Variants in KIAA1755 observed in about 807,000 individuals in gnomAD.
KIAA1755 encodes the protein KIAA1755, also known as uncharacterized protein KIAA1755.
KIAA1755 carries 68 observed loss-of-function variants against 91.7 expected under a neutral mutation model. That is an observed-to-expected ratio of 0.74 (90% CI 0.61 to 0.91). KIAA1755 has a LOEUF of 0.91. KIAA1755 is among the 40% of genes least tolerant of loss of function. The pLI is 0.00. For synonymous variants in KIAA1755, 610 were observed against 604.6 expected, an observed-to-expected ratio of 1.01 and a Z score of -0.13; for missense variants, 1,535 against 1,494.4, an observed-to-expected ratio of 1.03 and a Z score of -0.45.
intron 1 of KIAA1755, among the ~76,000 whole-genome samples, chr20:38,257,298 T>C (rs2076354721): frequency 6.6e-6 from 1 of 152,002 alleles, no homozygotes; most frequent in East Asian, 1.9e-4. Context: ...TAAACTGAAC[T>C]TGGCTAGGGT....
At position 38,212,150 on chromosome 20, in the gene KIAA1755, A is replaced by G. The variant is rs2075459319; in HGVS notation, c.*892T>C. The G allele has an allele frequency of 6.6e-6, 1 of 152,030 alleles. No homozygotes were observed. The highest frequency in any genetic ancestry group is 2.4e-5 in the African/African-American group (1 of 41,342). The allele number at this position is 152,030 out of a possible 1,614,324, so 9.4% of individuals were successfully genotyped here. On this transcript the variant is annotated 3_prime_UTR_variant, in exon 14 of 14. Coordinates refer to ENST00000279024, the MANE Select transcript of KIAA1755 (RefSeq NM_001029864.2). ...AACATAGCAAGACCCCATGTCTACA[A>G]AAAATAAATAAATAATAAGCTGAGC...
intron 1 of KIAA1755, among the ~76,000 whole-genome samples, chr20:38,257,186 C>T (rs1693618245): frequency 6.6e-6 from 1 of 152,184 alleles, no homozygotes; most frequent in Non-Finnish European, 1.5e-5. Context: ...GACTGCCAGC[C>T]CCCAAAGCAG....
intron 13 of KIAA1755, among the ~76,000 whole-genome samples, chr20:38,215,460 G>A (rs531409761): frequency 1.3e-5 from 2 of 152,226 alleles, no homozygotes; most frequent in Admixed American, 1.3e-4. Flanking sequence ...AGCTCGCCTC[G>A]CAGGCACCAT....
intron 6 of KIAA1755, 127 bp from the exon 7 acceptor site, chr20:38,227,367 C>T (rs759557153): frequency 1.7e-6 from 1 of 595,936 alleles, no homozygotes; most frequent in Non-Finnish European, 3.0e-6. Context: ...TGGGGTCCCT[C>T]CATGACTGGA....
chr20:38,254,431 A>G (rs1408349507), intron 1 of KIAA1755, among the ~76,000 whole-genome samples: 1 of 151,992 alleles, frequency 6.6e-6, no homozygotes, highest in African/African-American at 2.4e-5. Flanking sequence ...CCACCTATAA[A>G]AGGGAGGCAC....
chr20:38,213,895 G>A (rs1348888041), intron 13 of KIAA1755, 152 bp from the exon 14 acceptor site: 19 of 547,808 alleles, frequency 3.5e-5, no homozygotes, highest in Non-Finnish European at 5.0e-5. Flanking sequence ...TCTCTTCCCT[G>A]GGGTGCACAC....
At chr20:38,221,112 G>A (rs1181601466) in intron 10 of KIAA1755, among the ~76,000 whole-genome samples, 1 of 152,194 alleles carries the variant, frequency 6.6e-6, no homozygotes, top group Non-Finnish European at 1.5e-5. Flanking sequence ...CCCACGGGTT[G>A]CCACCCTTGC....
chr20:38,259,075 T>C (rs2076389729), intron 1 of KIAA1755, among the ~76,000 whole-genome samples: 1 of 152,160 alleles, frequency 6.6e-6, no homozygotes. Context: ...GGGCAGCTAC[T>C]TAAGTTCCCA....
chr20:38,249,180 C>A (rs997483829), intron 1 of KIAA1755, among the ~76,000 whole-genome samples: 2 of 152,140 alleles, frequency 1.3e-5, no homozygotes, highest in African/African-American at 4.8e-5. Flanking sequence ...CTGGTCAGAA[C>A]CACCATTTTT....
chr20:38,231,565 C>T (rs904198643), intron 4 of KIAA1755, among the ~76,000 whole-genome samples: 20 of 152,284 alleles, frequency 1.3e-4, no homozygotes, highest in African/African-American at 4.6e-4. Context: ...GTATAAGATA[C>T]GTGGGCAGGC....
rs139366943 is a variant in KIAA1755, at chr20:38,241,477, G to C, written c.654C>G (p.His218Gln). ...CCTGGTTGTCTGGGGAGCTGGCCTG[G>C]TGCAACTCTTGAGGGCTGCTCAAAT... Reference protein sequence around the residue: ...ALDLSSPQELHQASSPDNQVL... With the variant: ...ALDLSSPQELQQASSPDNQVL... The change falls in exon 3 of 14, where the codon CAC (histidine) becomes CAG (glutamine). Residue 218 changes from histidine to glutamine, a missense_variant. Physicochemically the swap from His to Gln is conservative, Grantham distance 24. Coordinates refer to ENST00000279024, the MANE Select transcript of KIAA1755 (RefSeq NM_001029864.2). The C allele has an allele frequency of 1.9e-6, 3 of 1,614,120 alleles. No homozygotes were observed. In the African/African-American group the frequency reaches 4.0e-5, roughly 22 times the overall value.
Position 38,221,605 on chromosome 20 carries a change from A to G in KIAA1755, c.2417+844T>C, listed in dbSNP as rs140367574. Among the ~76,000 whole-genome samples, 629 of 152,224 alleles carry G rather than the reference A, an allele frequency of 4.1e-3. 9 individuals are homozygous for G. Among genetic ancestry groups the G allele is most frequent in the African/African-American group, 0.015 (611 of 41,518 alleles). On this transcript the variant is annotated intron_variant, in intron 10 of 13. Transcript: ENST00000279024. Reference sequence around the variant, plus strand: ...TGAGCCTCAGGTTCCTCCACTGTAAAATAGGCATAATATCTGCAGCTACCT... The same window carrying G: ...TGAGCCTCAGGTTCCTCCACTGTAAGATAGGCATAATATCTGCAGCTACCT...
chr20:38,220,970 G>A (rs1013015405), intron 10 of KIAA1755, among the ~76,000 whole-genome samples: 2 of 152,224 alleles, frequency 1.3e-5, no homozygotes, highest in African/African-American at 2.4e-5. Context: ...TGTGTGAAGG[G>A]AGGAATCTCC....
At chr20:38,234,282 C>T (rs1005310874) in intron 4 of KIAA1755, among the ~76,000 whole-genome samples, 3 of 152,052 alleles carry the variant, frequency 2.0e-5, no homozygotes, top group African/African-American at 7.2e-5. Context: ...TGGTGAAATC[C>T]CCCTCATCGC....
Position 38,240,789 on chromosome 20 carries a change from C to A in KIAA1755, c.1342G>T (p.Gly448Trp), listed in dbSNP as rs755400632. The A allele has an allele frequency of 6.2e-7, 1 of 1,608,908 alleles. No individual in the cohort carries two copies. Among genetic ancestry groups the A allele is most frequent in the African/African-American group, 1.3e-5 (1 of 74,880 alleles). Reference sequence around the variant, plus strand: ...CAGGGCATGGGCTTGGGAAGTCTCCCATTTCTCTCTTTGGTCTTCACCTCT... The same window carrying A: ...CAGGGCATGGGCTTGGGAAGTCTCCAATTTCTCTCTTTGGTCTTCACCTCT... ...KIEVKTKERN[G>W]RLPKPMPCPS... is the part of the protein sequence containing the mutation. The change falls in exon 3 of 14, where the codon GGG becomes TGG. Residue 448 changes from glycine to tryptophan, a missense_variant. Physicochemically the swap from Gly to Trp is radical, Grantham distance 184 (BLOSUM62 -2). Transcript: ENST00000279024.
intron 4 of KIAA1755, among the ~76,000 whole-genome samples, chr20:38,233,957 A>T (rs1313977830): frequency 6.6e-6 from 1 of 152,174 alleles, no homozygotes; most frequent in East Asian, 1.9e-4. Flanking sequence ...CCCTAATAGA[A>T]TATGGCCAGT....
At position 38,241,601 on chromosome 20, in the gene KIAA1755, G is replaced by A; in HGVS notation, c.530C>T (p.Pro177Leu). ...CTCTGGGCTGGTTATCTTGGTCCAA[G>A]GCACAGGGGCAATCCCATTTTCTGA... is the stretch of plus-strand genomic sequence containing the variant. Reference protein sequence around the residue: ...VASENGIAPVPWTKITSPEFV... With the variant: ...VASENGIAPVLWTKITSPEFV... The change falls in exon 3 of 14, where the codon CCT becomes CTT. Residue 177 changes from proline to leucine, a missense_variant. Coordinates refer to ENST00000279024, the MANE Select transcript of KIAA1755 (RefSeq NM_001029864.2). 6.2e-7 allele frequency: 1 copy of A among 1,614,248 alleles called. No individual in the cohort carries two copies. Among genetic ancestry groups the A allele is most frequent in the Non-Finnish European group, 8.5e-7 (1 of 1,180,054 alleles).
At position 38,210,856 on chromosome 20, in the gene KIAA1755, G is replaced by A. The variant is rs921784128; in HGVS notation, c.*2186C>T. Reference sequence around the variant, plus strand: ...GCCGTCGGCCCTCTCTGAGGCAACAGGCATGGATGGAGATGGGCTGATCAA... The same window carrying A: ...GCCGTCGGCCCTCTCTGAGGCAACAAGCATGGATGGAGATGGGCTGATCAA... On this transcript the variant is annotated 3_prime_UTR_variant, in exon 14 of 14. Transcript: ENST00000279024. The A allele has an allele frequency of 1.3e-5, 2 of 152,230 alleles. No homozygotes were observed. Among genetic ancestry groups the A allele is most frequent in the African/African-American group, 4.8e-5 (2 of 41,460 alleles). The allele number at this position is 152,230 out of a possible 1,614,324, so 9.4% of individuals were successfully genotyped here. A position where few individuals can be genotyped will look rare whatever the true frequency, so the allele number is the denominator to read the frequency against.
chr20:38,216,960 C>A (rs554712263), intron 13 of KIAA1755: 51 of 650,170 alleles, frequency 7.8e-5, no homozygotes, highest in South Asian at 7.7e-4. Flanking sequence ...CATCTATGTT[C>A]AAATCTCAGC....
Sources: allele counts gnomAD v4.1 joint callset (sites outside exome capture counted in the v4.1 genomes callset), GRCh38; gene constraint gnomAD v4.1.1; transcripts MANE v1.5; gene names NCBI Gene and HGNC (gene_info 2026-07-23, HGNC 2026-07-21).